IFT80: variants seen among roughly 807,000 people sequenced by gnomAD.
The protein encoded by IFT80 is intraflagellar transport protein 80 homolog.
Under a neutral mutation model 107.9 loss-of-function variants are expected in IFT80, and 79 were observed. The ratio of observed to expected loss-of-function variants is 0.73; its 90% CI spans 0.61 to 0.88. The LOEUF (loss-of-function observed/expected upper bound fraction) is 0.88, where lower values mean the gene tolerates loss of function less well. Among genes scored for constraint, IFT80 ranks in the 40% least tolerant of loss-of-function variants. The probability of loss-of-function intolerance (pLI) is 0.00; values close to 1 mark genes in which losing one functional copy is unlikely to be tolerated. For missense variants in IFT80, 797 were observed against 914.2 expected, an observed-to-expected ratio of 0.87 and a Z score of 1.65; for synonymous variants, 299 against 300.9, an observed-to-expected ratio of 0.99 and a Z score of 0.07.
At chr3:160,304,470 C>G (rs1484583478) in intron 10 of IFT80, among the ~76,000 whole-genome samples, 2 of 143,410 alleles carry the variant, frequency 1.4e-5, no homozygotes, top group African/African-American at 5.1e-5. Context: ...GAGTCTCGCT[C>G]TGTCGCCCAG....
At chr3:160,380,503 C>T (rs531565438) in intron 3 of IFT80, among the ~76,000 whole-genome samples, 3 of 152,246 alleles carry the variant, frequency 2.0e-5, no homozygotes, top group South Asian at 4.1e-4. Context: ...ATGGTGAGAA[C>T]AGGGACCCGA....
intron 1 of IFT80, among the ~76,000 whole-genome samples, chr3:160,386,916 T>C (rs1712977320): frequency 6.6e-6 from 1 of 152,224 alleles, no homozygotes; most frequent in Non-Finnish European, 1.5e-5. Context: ...GCTTTAGTTT[T>C]TCTTCTGAAT....
chr3:160,283,665 C>G (rs948570136), intron 13 of IFT80, among the ~76,000 whole-genome samples: 19 of 152,108 alleles, frequency 1.2e-4, no homozygotes, highest in African/African-American at 4.3e-4. Context: ...TAAAGAATTG[C>G]TTATCATCGT....
chr3:160,282,517 C>T lies in IFT80; in HGVS notation c.1477G>A (p.Val493Met), dbSNP rs1714763261. The change falls in exon 14 of 20, where the codon GTG becomes ATG. Residue 493 changes from valine (V) to methionine (M), a missense_variant. Coordinates refer to ENST00000326448, the MANE Select transcript of IFT80 (RefSeq NM_020800.3). ...TGTTCTTCCTTCCCAAATCGTTTCACAGAAGTGATACAGAGATCTCTATTT... is the reference window on the plus strand; with the variant it reads ...TGTTCTTCCTTCCCAAATCGTTTCATAGAAGTGATACAGAGATCTCTATTT... ...DKNRDLCITS[V>M]KRFGKEEQII... 6.3e-7 allele frequency: 1 copy of T among 1,598,978 alleles called. No individual in the cohort carries two copies. Among genetic ancestry groups the T allele is most frequent in the African/African-American group, 1.3e-5 (1 of 74,526 alleles).
At chr3:160,347,775 G>C (rs1298796280) in intron 8 of IFT80, among the ~76,000 whole-genome samples, 3 of 151,942 alleles carry the variant, frequency 2.0e-5, no homozygotes, top group Non-Finnish European at 2.9e-5. Flanking sequence ...TGCACTTTAG[G>C]TATACAGAAT....
intron 9 of IFT80, among the ~76,000 whole-genome samples, chr3:160,312,360 G>C (rs1311271994): frequency 6.6e-6 from 1 of 150,824 alleles, no homozygotes; most frequent in Non-Finnish European, 1.5e-5. Context: ...TAGACCCCCA[G>C]GCTCTGATTT....
At chr3:160,398,171 G>A (rs903061632) in intron 1 of IFT80, among the ~76,000 whole-genome samples, 4 of 152,046 alleles carry the variant, frequency 2.6e-5, no homozygotes, top group Admixed American at 2.6e-4. Flanking sequence ...GATATATCAC[G>A]ATATTGAGTC....
In IFT80 at chr3:160,340,246, C is replaced by G. The variant is rs562861984; in HGVS notation, c.777+15767G>C. Among the ~76,000 whole-genome samples the G allele has an allele frequency of 2.0e-5, 3 of 152,260 alleles. No individual in the cohort carries two copies. In the South Asian group the frequency reaches 6.2e-4, roughly 32 times the overall value. ...GAAGGTGAAATCCTCCCCAAGTTAT[C>G]TACCTACATGACTCATTGCTAACAC... On this transcript the variant is annotated intron_variant, in intron 8 of 19. Coordinates refer to ENST00000326448, the MANE Select transcript of IFT80 (RefSeq NM_020800.3).
chr3:160,373,933 AG>A (rs1355374612), intron 5 of IFT80, among the ~76,000 whole-genome samples: 1 of 152,218 alleles, frequency 6.6e-6, no homozygotes, highest in Non-Finnish European at 1.5e-5. Flanking sequence ...AACAGACAGC[AG>A]ACAGCTACTG....
intron 5 of IFT80, among the ~76,000 whole-genome samples, chr3:160,371,369 G>A (rs990552139): frequency 4.6e-5 from 7 of 151,948 alleles, no homozygotes; most frequent in African/African-American, 1.7e-4. Context: ...CCACCCTCTG[G>A]TCCACTCCCA....
intron 8 of IFT80, among the ~76,000 whole-genome samples, chr3:160,330,394 A>G (rs919240740): frequency 2.0e-5 from 3 of 152,224 alleles, no homozygotes; most frequent in African/African-American, 7.2e-5. Flanking sequence ...CTATTAACAC[A>G]ATTATACAAC....
intron 6 of IFT80, among the ~76,000 whole-genome samples, chr3:160,359,457 T>A (rs1721337891): frequency 6.6e-6 from 1 of 152,146 alleles, no homozygotes; most frequent in Non-Finnish European, 1.5e-5. Context: ...TTCTGCATTT[T>A]CAACTGAGCT....
chr3:160,284,634 A>C lies in IFT80; in HGVS notation c.1380+1170T>G, dbSNP rs556766161. Among the ~76,000 whole-genome samples the C allele has an allele frequency of 2.6e-5, 4 of 152,332 alleles. No homozygotes were observed. In the South Asian group the frequency reaches 8.3e-4, roughly 32 times the overall value. On this transcript the variant is annotated intron_variant, in intron 13 of 19. Transcript: ENST00000326448. Reference sequence around the variant, plus strand: ...CACATGTACAAGAAGATGTATATGCAAGGTAATTCATCTTGGCAATACTGT... The same window carrying C: ...CACATGTACAAGAAGATGTATATGCCAGGTAATTCATCTTGGCAATACTGT...
Position 160,257,008 on chromosome 3 carries a change from A to AT in IFT80, c.*1516dup, listed in dbSNP as rs1378739302. 1 of 152,082 alleles carries AT rather than the reference A, an allele frequency of 6.6e-6. No homozygotes were observed. Among genetic ancestry groups the AT allele is most frequent in the Admixed American group, 6.5e-5 (1 of 15,272 alleles). 9.4% of individuals were successfully genotyped at this position (152,082 alleles called of 1,614,324 possible). A position where few individuals can be genotyped will look rare whatever the true frequency, so the allele number is the denominator to read the frequency against. ...GAATTGTTTAGAACACAGACTTTTT[A>AT]TTTTTTGCATTTATTGTGGTAAAAT... is the stretch of plus-strand genomic sequence containing the variant. On this transcript the variant is annotated 3_prime_UTR_variant, in exon 20 of 20. Transcript: ENST00000326448.
In IFT80 at chr3:160,390,536, T is replaced by C. The variant is rs115190666; in HGVS notation, c.-46-5890A>G. ...AAAAGTGGAGGACTGATTTGGCTAA[T>C]GACACACAGTGAGTTCCAAAAAAAC... On this transcript the variant is annotated intron_variant, in intron 1 of 19. Transcript: ENST00000326448. 4.4e-3 allele frequency among the ~76,000 whole-genome samples: 676 copies of C among 152,238 alleles called. 7 individuals are homozygous for C. Among genetic ancestry groups the C allele is most frequent in the African/African-American group, 0.016 (650 of 41,550 alleles).
intron 7 of IFT80, among the ~76,000 whole-genome samples, chr3:160,356,541 G>A (rs1257799322): frequency 6.6e-6 from 1 of 152,136 alleles, no homozygotes; most frequent in African/African-American, 2.4e-5. Flanking sequence ...GAATTTTAGA[G>A]ACAGGGTCTC....
intron 12 of IFT80, among the ~76,000 whole-genome samples, chr3:160,289,823 C>T (rs1715393473): frequency 6.6e-6 from 1 of 152,118 alleles, no homozygotes; most frequent in African/African-American, 2.4e-5. Flanking sequence ...GGACCCAACA[C>T]CTTAAGCACG....
At chr3:160,375,741 TA>T in intron 5 of IFT80, 70 bp downstream of exon 5, 1 of 1,036,130 alleles carries the variant, frequency 9.7e-7, no homozygotes, top group Non-Finnish European at 1.5e-6. Context: ...AGATTGTTTC[TA>T]AAGGAAAACT....
intron 8 of IFT80, among the ~76,000 whole-genome samples, chr3:160,329,580 C>A (rs1311071876): frequency 6.6e-6 from 1 of 152,176 alleles, no homozygotes; most frequent in East Asian, 1.9e-4. Context: ...AGGAAAGGAA[C>A]ATCCTTATCT....
Sources: allele counts gnomAD v4.1 joint callset (sites outside exome capture counted in the v4.1 genomes callset), GRCh38; gene constraint gnomAD v4.1.1; transcripts MANE v1.5; gene names NCBI Gene and HGNC (gene_info 2026-07-23, HGNC 2026-07-21).